AGBL1: variants seen among roughly 807,000 people sequenced by gnomAD.
The protein encoded by AGBL1 is cytosolic carboxypeptidase 4.
A neutral mutation model predicts 118.9 loss-of-function variants in AGBL1; 130 were observed. The ratio of observed to expected loss-of-function variants is 1.09; its 90% CI spans 0.95 to 1.26. The LOEUF is 1.26. Ranked by LOEUF, AGBL1 falls within the 50% of genes most tolerant of loss-of-function variation. AGBL1 has a pLI of 0.00. For missense variants in AGBL1, 1,584 were observed against 1,298.1 expected, an observed-to-expected ratio of 1.22 and a Z score of -3.38; for synonymous variants, 555 against 478.9, an observed-to-expected ratio of 1.16 and a Z score of -2.08.
intron 22 of AGBL1, among the ~76,000 whole-genome samples, chr15:86,799,482 A>C (rs1381917753): frequency 2.0e-5 from 3 of 152,120 alleles, no homozygotes; most frequent in Non-Finnish European, 4.4e-5. Context: ...TTTACATGGG[A>C]ATAATTAATG....
At position 86,864,424 on chromosome 15, in the gene AGBL1, A is replaced by T. The variant is rs75404081; in HGVS notation, c.3159-42663A>T. ...TACTTTTTGCATTAGTTCATATCAC[A>T]CTATTAGTAATCTTATGAGTTAAGA... On this transcript the variant is annotated intron_variant, in intron 22 of 22. Transcript: ENST00000614907. Among the ~76,000 whole-genome samples, 40 of 152,278 alleles carry T rather than the reference A, an allele frequency of 2.6e-4. No homozygotes were observed. In the East Asian group the frequency reaches 7.7e-3, roughly 29 times the overall value.
chr15:86,854,947 T>C (rs1596554481), intron 22 of AGBL1, among the ~76,000 whole-genome samples: 1 of 152,184 alleles, frequency 6.6e-6, no homozygotes, highest in East Asian at 1.9e-4. Flanking sequence ...ATATCTTATA[T>C]AGTTGTGATT....
At chr15:86,391,379 C>T (rs2141980647) in intron 17 of AGBL1, among the ~76,000 whole-genome samples, 2 of 152,078 alleles carry the variant, frequency 1.3e-5, no homozygotes, top group Middle Eastern at 6.8e-3. Context: ...ACAAATTTTT[C>T]TCATTTTATT....
At chr15:86,675,380 T>A (rs1485085995) in intron 22 of AGBL1, among the ~76,000 whole-genome samples, 2 of 152,158 alleles carry the variant, frequency 1.3e-5, no homozygotes, top group Non-Finnish European at 2.9e-5. Context: ...GAATGGCCAG[T>A]GAAACCTAGA....
At chr15:86,364,016 C>G (rs2080842971) in intron 17 of AGBL1, among the ~76,000 whole-genome samples, 1 of 152,144 alleles carries the variant, frequency 6.6e-6, no homozygotes, top group Non-Finnish European at 1.5e-5. Flanking sequence ...TTTCTATTCC[C>G]CCATCTCTAT....
At chr15:86,269,649 T>C (rs2079126122) in intron 13 of AGBL1, among the ~76,000 whole-genome samples, 1 of 152,208 alleles carries the variant, frequency 6.6e-6, no homozygotes, top group Non-Finnish European at 1.5e-5. Context: ...AATACAACTA[T>C]TGTGTATCCA....
At chr15:86,170,491 C>G (rs570068348) in intron 5 of AGBL1, among the ~76,000 whole-genome samples, 1 of 152,102 alleles carries the variant, frequency 6.6e-6, no homozygotes, top group Admixed American at 6.5e-5. Context: ...GATAGGGACA[C>G]AGGAAACCAT....
chr15:86,480,001 C>G (rs950594418), intron 18 of AGBL1, among the ~76,000 whole-genome samples: 2 of 152,060 alleles, frequency 1.3e-5, no homozygotes, highest in South Asian at 2.1e-4. Flanking sequence ...AAACCAAACA[C>G]CACATGTTCT....
In AGBL1 at chr15:86,875,461, G is replaced by C. The variant is rs540392941; in HGVS notation, c.3159-31626G>C. Among the ~76,000 whole-genome samples, 3 of 152,290 alleles carry C rather than the reference G, an allele frequency of 2.0e-5. No homozygotes were observed. The South Asian group carries it at 6.2e-4, about 32-fold the overall frequency. ...TTCCATAGAAGAGGAACAGATGAGT[G>C]AGCGGTTGGGATCAGCGTTGAGCCT... On this transcript the variant is annotated intron_variant, in intron 22 of 22. Transcript: ENST00000614907.
chr15:87,026,558 C>T (rs2141812993), intron 24 of AGBL1, among the ~76,000 whole-genome samples: 1 of 152,138 alleles, frequency 6.6e-6, no homozygotes, highest in Middle Eastern at 3.4e-3. Context: ...GGAATGTAAA[C>T]TAGTACAATC....
chr15:86,278,456 GCCA>G (rs1380525243), intron 15 of AGBL1, among the ~76,000 whole-genome samples: 3 of 137,050 alleles, frequency 2.2e-5, no homozygotes, highest in Non-Finnish European at 4.6e-5. Context: ...ATATTGAAAA[GCCA>G]CAAAACCATG....
intron 18 of AGBL1, among the ~76,000 whole-genome samples, chr15:86,414,458 C>T (rs4632096): frequency 0.8 from 122,334 of 152,196 alleles, 50,179 homozygotes; most frequent in East Asian, 1. Context: ...CAGAATACCC[C>T]TGGAAGAAGA....
In AGBL1 at chr15:86,995,848, T is replaced by C. The variant is rs138546341; in HGVS notation, c.3323+7760T>C. On this transcript the variant is annotated intron_variant, in intron 24 of 24. Transcript: ENST00000441037. ...ATCTTTTCATATTTGTAAATAAGAA[T>C]CTGCATTGATCAGTCTTTGCAGCAG... Among the ~76,000 whole-genome samples, 63 of 152,334 alleles carry C rather than the reference T, an allele frequency of 4.1e-4. No homozygotes were observed. The East Asian group carries it at 0.012, about 28-fold the overall frequency.
At chr15:86,855,015 A>G (rs1182292143) in intron 22 of AGBL1, among the ~76,000 whole-genome samples, 1 of 152,182 alleles carries the variant, frequency 6.6e-6, no homozygotes, top group African/African-American at 2.4e-5. Context: ...AGAGGAGATG[A>G]GAAACTTGTC....
chr15:87,009,906 A>C (rs2570116), intron 24 of AGBL1, among the ~76,000 whole-genome samples: 1 of 152,058 alleles, frequency 6.6e-6, no homozygotes, highest in African/African-American at 2.4e-5. Flanking sequence ...CTATTTTATC[A>C]AGGAAGTAAC....
chr15:86,354,931 C>G (rs1035130127), intron 17 of AGBL1, among the ~76,000 whole-genome samples: 1 of 152,186 alleles, frequency 6.6e-6, no homozygotes, highest in Non-Finnish European at 1.5e-5. Context: ...AAGCATGAAA[C>G]AAACTTGATG....
intron 22 of AGBL1, among the ~76,000 whole-genome samples, chr15:86,889,256 C>T (rs2080015913): frequency 6.9e-6 from 1 of 145,302 alleles, no homozygotes; most frequent in Admixed American, 7.3e-5. Flanking sequence ...GTGGCGATAC[C>T]GCTTACTATA....
At chr15:86,215,215 A>ATG (rs1457494719) in intron 5 of AGBL1, among the ~76,000 whole-genome samples, 4,075 of 122,962 alleles carry the variant, frequency 0.033, 137 homozygotes, top group Non-Finnish European at 0.044. Flanking sequence ...GTGTGAGTGT[A>ATG]TATGTATGCG....
At position 86,295,237 on chromosome 15, in the gene AGBL1, G is replaced by A. The variant is rs779551814; in HGVS notation, c.2221-18G>A. ...AAAAATGTTGATAATATACATGCCTGCTTTATTTCTGCTCCAGACTCATCT... is the reference window on the plus strand; with the variant it reads ...AAAAATGTTGATAATATACATGCCTACTTTATTTCTGCTCCAGACTCATCT... On this transcript the variant is annotated intron_variant, in intron 16 of 22. Transcript: ENST00000614907. The A allele has an allele frequency of 6.2e-7, 1 of 1,612,470 alleles. No homozygotes were observed. The highest frequency in any genetic ancestry group is 1.1e-5 in the South Asian group (1 of 90,936).
Sources: gnomAD v4.1 joint callset for allele counts (sites outside exome capture counted in the v4.1 genomes callset) on GRCh38, gnomAD v4.1.1 for gene constraint, MANE v1.5 for transcripts, NCBI Gene and HGNC (gene_info 2026-07-23, HGNC 2026-07-21) for gene names.